WDFY3: variants seen among roughly 807,000 people sequenced by gnomAD.
WDFY3 encodes the protein WD repeat and FYVE domain-containing protein 3.
In WDFY3, 66 loss-of-function variants were observed where a neutral mutation model predicts 409.6. The observed-to-expected ratio is 0.16, with a 90% CI of 0.13 to 0.20. The LOEUF is 0.20. Among genes scored for constraint, WDFY3 ranks in the 10% least tolerant of loss-of-function variants. WDFY3 has a pLI of 1.00. For missense variants in WDFY3, 3,031 were observed against 4,298.1 expected, an observed-to-expected ratio of 0.71 and a Z score of 8.24; for synonymous variants, 1,521 against 1,537.1, an observed-to-expected ratio of 0.99 and a Z score of 0.25.
chr4:84,740,620 A>G (rs1247934997), intron 38 of WDFY3, among the ~76,000 whole-genome samples: 1 of 152,132 alleles, frequency 6.6e-6, no homozygotes, highest in Non-Finnish European at 1.5e-5. Context: ...GAATGATATG[A>G]GGGCTACATA....
At chr4:84,716,320 T>A (rs1200418973) in intron 49 of WDFY3, among the ~76,000 whole-genome samples, 1 of 150,114 alleles carries the variant, frequency 6.7e-6, no homozygotes. Context: ...GCGCCTCTAG[T>A]CCCAGCTATG....
rs775475554 is a variant in WDFY3 at position 84,716,908 on chromosome 4, T to C, written c.7863A>G (p.Arg2621=). The change falls in exon 49 of 68, where the codon AGA becomes AGG. Residue 2621 remains arginine (R), a synonymous_variant. Coordinates refer to ENST00000295888, the MANE Select transcript of WDFY3 (RefSeq NM_014991.6). The part of the protein sequence containing the change: ...YEDIKEVHKR[R]YLLQPIAVEV... ...TAAATTGACTCACCTGCAGGAGATA[T>C]CTCCTTTTATGAACTTCCTTGATAT... The C allele has an allele frequency of 1.3e-6, 2 of 1,593,196 alleles. No homozygotes were observed. The highest frequency in any genetic ancestry group is 8.6e-7 in the Non-Finnish European group (1 of 1,169,442).
rs1419107743 is a variant in WDFY3 at position 84,733,545 on chromosome 4, C to T, written c.7058G>A (p.Arg2353Lys). ...EWCQIECELL[R>K]ERGLWGPPIG... Reference sequence around the variant, plus strand: ...GGGAGGGCCCCACAGCCCCCGCTCCCTCAACAGCTCGCACTCGATCTGACA... The same window carrying T: ...GGGAGGGCCCCACAGCCCCCGCTCCTTCAACAGCTCGCACTCGATCTGACA... The change falls in exon 44 of 68, where the codon AGG (arginine) becomes AAG (lysine). Residue 2353 changes from arginine (R) to lysine (K), a missense_variant. By Grantham distance (26) the Arg-to-Lys change is conservative. This residue lies in a region of WDFY3 where 98 missense variants were observed against 194.9 expected (regional missense o/e 0.50). Coordinates refer to ENST00000295888, the MANE Select transcript of WDFY3 (RefSeq NM_014991.6). 6.2e-7 allele frequency: 1 copy of T among 1,614,170 alleles called. No individual in the cohort carries two copies. Among genetic ancestry groups the T allele is most frequent in the South Asian group, 1.1e-5 (1 of 91,082 alleles).
chr4:84,706,164 C>A (rs2148964677), intron 53 of WDFY3, among the ~76,000 whole-genome samples: 1 of 152,192 alleles, frequency 6.6e-6, no homozygotes, highest in East Asian at 1.9e-4. Context: ...AAATTTACTC[C>A]CTGAGGATTT....
chr4:84,777,884 G>A (rs999499912), intron 27 of WDFY3, among the ~76,000 whole-genome samples: 5 of 151,972 alleles, frequency 3.3e-5, no homozygotes, highest in Admixed American at 1.3e-4. Flanking sequence ...AAATTAAATG[G>A]AAAAAGGATA....
chr4:84,738,299 A>G (rs948397897), intron 40 of WDFY3, among the ~76,000 whole-genome samples: 9 of 149,378 alleles, frequency 6.0e-5, no homozygotes, highest in Non-Finnish European at 1.3e-4. Context: ...AACCAGATTG[A>G]AAAAAAAAAG....
intron 44 of WDFY3, among the ~76,000 whole-genome samples, chr4:84,728,797 A>C (rs778065738): frequency 1.6e-4 from 24 of 152,200 alleles, no homozygotes; most frequent in Non-Finnish European, 2.8e-4. Context: ...TAAATATGTT[A>C]TACCAATAAT....
intron 1 of WDFY3, among the ~76,000 whole-genome samples, chr4:84,958,043 T>C (rs189705189): frequency 4.6e-4 from 70 of 152,350 alleles, no homozygotes; most frequent in Non-Finnish European, 8.4e-4. Flanking sequence ...CATTTATTTA[T>C]GGTGAAAGAA....
At chr4:84,801,970 G>A (rs572324533) in intron 16 of WDFY3, 106 bp from the exon 17 acceptor site, 48 of 1,058,030 alleles carry the variant, frequency 4.5e-5, no homozygotes, top group Middle Eastern at 2.8e-4. Context: ...TTTTTGAGAC[G>A]GAGTTTCGCT....
intron 47 of WDFY3, among the ~76,000 whole-genome samples, chr4:84,720,242 T>G (rs898934115): frequency 3.3e-5 from 5 of 152,258 alleles, no homozygotes; most frequent in African/African-American, 1.2e-4. Flanking sequence ...GAGTGATATA[T>G]ATAAGGCATC....
chr4:84,682,993 A>T (rs1727652089), intron 63 of WDFY3: 1 of 153,974 alleles, frequency 6.5e-6, no homozygotes, highest in Admixed American at 6.4e-5. Flanking sequence ...CAAAAACAAA[A>T]CAAAAACATA....
At position 84,677,219 on chromosome 4, in the gene WDFY3, A is replaced by G. The variant is rs1398922517; in HGVS notation, c.10437T>C (p.Cys3479=). ...LTERRHHCRN[C]GQLFCQKCSR... ...CTTACTTCTGGCAGAAGAGCTGACC[A>G]CAGTTCCTGCAATGGTGTCGTCTTT... The change falls in exon 67 of 68, where the codon TGT becomes TGC. Residue 3479 remains cysteine, a synonymous_variant. Coordinates refer to ENST00000295888, the MANE Select transcript of WDFY3 (RefSeq NM_014991.6). 1.1e-5 allele frequency: 17 copies of G among 1,614,126 alleles called. No homozygotes were observed. The highest frequency in any genetic ancestry group is 1.6e-4 in the Middle Eastern group (1 of 6,084).
chr4:84,812,681 G>C (rs1311460160), intron 13 of WDFY3, among the ~76,000 whole-genome samples: 2 of 152,084 alleles, frequency 1.3e-5, no homozygotes, highest in Non-Finnish European at 2.9e-5. Context: ...TGTACAAAAT[G>C]CTATCACTGG....
At chr4:84,953,413 G>C (rs902097336) in intron 1 of WDFY3, among the ~76,000 whole-genome samples, 21 of 152,090 alleles carry the variant, frequency 1.4e-4, no homozygotes, top group Non-Finnish European at 8.8e-5. Context: ...AAATGAGCAG[G>C]TCATAGCTGC....
At chr4:84,847,488 C>A (rs776980358) in intron 5 of WDFY3, among the ~76,000 whole-genome samples, 3 of 151,282 alleles carry the variant, frequency 2.0e-5, no homozygotes, top group Non-Finnish European at 2.9e-5. Context: ...AAGAAACCGC[C>A]GGGCGCAGTG....
intron 1 of WDFY3, 148 bp from the exon 2 acceptor site, chr4:84,932,511 A>C (rs1770889789): frequency 6.6e-6 from 1 of 152,160 alleles, no homozygotes; most frequent in Non-Finnish European, 1.5e-5. Context: ...AAATAGATTA[A>C]ATTTGCTATT....
intron 1 of WDFY3, among the ~76,000 whole-genome samples, chr4:84,948,800 C>T (rs1773229307): frequency 6.6e-6 from 1 of 152,182 alleles, no homozygotes. Context: ...TAGGACTGAG[C>T]AGTCTACTTT....
intron 1 of WDFY3, among the ~76,000 whole-genome samples, chr4:84,963,827 G>A (rs1775253358): frequency 6.6e-6 from 1 of 152,166 alleles, no homozygotes; most frequent in African/African-American, 2.4e-5. Context: ...AAAACAACTT[G>A]TTCTATTTCC....
At chr4:84,948,882 ACATATATAAG>A (rs1773240112) in intron 1 of WDFY3, among the ~76,000 whole-genome samples, 1 of 152,164 alleles carries the variant, frequency 6.6e-6, no homozygotes, top group African/African-American at 2.4e-5. Context: ...GGCCACTCAT[ACATATATAAG>A]CATGTATGTT....
Sources: gnomAD v4.1 joint callset for allele counts (sites outside exome capture counted in the v4.1 genomes callset) on GRCh38, gnomAD v4.1.1 for gene constraint, gnomAD v4.1.1 regional missense constraint, MANE v1.5 for transcripts, NCBI Gene and HGNC (gene_info 2026-07-23, HGNC 2026-07-21) for gene names.